Variants in FHIT observed in about 807,000 individuals in gnomAD.
FHIT encodes bis(5'-adenosyl)-triphosphatase.
A neutral mutation model predicts 17.9 loss-of-function variants in FHIT; 19 were observed. The observed-to-expected ratio is 1.06, with a 90% CI of 0.74 to 1.56. The LOEUF (loss-of-function observed/expected upper bound fraction) is 1.56. Among genes scored for constraint, FHIT ranks in the 40% most tolerant of loss-of-function variants. FHIT has a pLI of 0.00. For synonymous variants in FHIT, 81 were observed against 69.7 expected (o/e 1.16, Z -0.81); for missense variants, 248 against 189.2 (o/e 1.31, Z -1.82).
At chr3:60,445,493 A>G (rs997444728) in intron 5 of FHIT, among the ~76,000 whole-genome samples, 2 of 152,052 alleles carry the variant, frequency 1.3e-5, no homozygotes, top group African/African-American at 4.8e-5. Flanking sequence ...AAAAAAAAAG[A>G]AACAAAGTAA....
At chr3:60,361,638 TCAAA>T (rs1198654370) in intron 5 of FHIT, among the ~76,000 whole-genome samples, 3 of 152,070 alleles carry the variant, frequency 2.0e-5, no homozygotes, top group Admixed American at 6.5e-5. Flanking sequence ...GATTCAAGAA[TCAAA>T]CAAACAAAAG....
intron 5 of FHIT, among the ~76,000 whole-genome samples, chr3:60,025,085 T>C (rs1237395510): frequency 6.6e-6 from 1 of 152,092 alleles, no homozygotes; most frequent in Non-Finnish European, 1.5e-5. Flanking sequence ...ATTCCAAGGT[T>C]CTGGCTTGGG....
intron 3 of FHIT, among the ~76,000 whole-genome samples, chr3:60,925,267 C>T (rs1430964122): frequency 6.6e-6 from 1 of 152,210 alleles, no homozygotes; most frequent in East Asian, 1.9e-4. Context: ...TCAGATTCAA[C>T]AAAGTTGAAA....
intron 5 of FHIT, among the ~76,000 whole-genome samples, chr3:60,398,050 A>T (rs1305793692): frequency 6.6e-6 from 1 of 151,978 alleles, no homozygotes. Flanking sequence ...CTTTCTTTTC[A>T]CTTAATGAAT....
intron 2 of FHIT, among the ~76,000 whole-genome samples, chr3:61,147,104 G>A (rs1325093960): frequency 5.9e-5 from 9 of 151,904 alleles, no homozygotes; most frequent in Admixed American, 5.9e-4. Flanking sequence ...TCTTTTTGTT[G>A]TTGTTTTCTA....
chr3:60,963,984 A>C (rs1575763600), intron 3 of FHIT, among the ~76,000 whole-genome samples: 2 of 152,038 alleles, frequency 1.3e-5, no homozygotes, highest in Admixed American at 1.3e-4. Flanking sequence ...CCTGGATATC[A>C]TTGTTAACTT....
chr3:60,596,865 G>C (rs941083550), intron 4 of FHIT, among the ~76,000 whole-genome samples: 1 of 152,048 alleles, frequency 6.6e-6, no homozygotes, highest in Non-Finnish European at 1.5e-5. Context: ...ACCTAATAAT[G>C]TGAAGACAGA....
intron 3 of FHIT, among the ~76,000 whole-genome samples, chr3:61,033,091 G>A (rs557404730): frequency 6.6e-6 from 1 of 152,338 alleles, no homozygotes; most frequent in African/African-American, 2.4e-5. Flanking sequence ...TCGCCTTGAT[G>A]AGGGTGACTT....
At chr3:60,270,593 A>G (rs1706811958) in intron 5 of FHIT, among the ~76,000 whole-genome samples, 1 of 152,214 alleles carries the variant, frequency 6.6e-6, no homozygotes, top group African/African-American at 2.4e-5. Context: ...CTGGTTATGA[A>G]ATATTGTTCA....
intron 5 of FHIT, among the ~76,000 whole-genome samples, chr3:60,078,675 T>C (rs1703140819): frequency 6.6e-6 from 1 of 152,166 alleles, no homozygotes; most frequent in African/African-American, 2.4e-5. Context: ...TATGTTTTTC[T>C]AAGAAAATGT....
intron 5 of FHIT, among the ~76,000 whole-genome samples, chr3:60,362,011 T>C (rs1699924822): frequency 6.6e-6 from 1 of 152,118 alleles, no homozygotes; most frequent in African/African-American, 2.4e-5. Flanking sequence ...TCAACCAAAC[T>C]GTGCACACAT....
At chr3:59,855,689 GCA>G (rs1311566515) in intron 8 of FHIT, among the ~76,000 whole-genome samples, 11 of 151,408 alleles carry the variant, frequency 7.3e-5, no homozygotes, top group Non-Finnish European at 1.5e-5. Flanking sequence ...ATAAATATGA[GCA>G]CAAATTGATG....
chr3:60,972,358 C>T (rs1188323695), intron 3 of FHIT, among the ~76,000 whole-genome samples: 6 of 152,070 alleles, frequency 3.9e-5, no homozygotes, highest in Non-Finnish European at 8.8e-5. Flanking sequence ...TCTGAATTGG[C>T]AATTACTTTC....
chr3:60,536,819 G>C (rs1218285532), intron 5 of FHIT, 41 bp downstream of exon 5: 1 of 1,561,318 alleles, frequency 6.4e-7, no homozygotes, highest in South Asian at 1.2e-5. Context: ...AGGCTCAGAA[G>C]ACTTTTATTT....
intron 5 of FHIT, among the ~76,000 whole-genome samples, chr3:60,145,440 G>T (rs1700200345): frequency 2.0e-5 from 3 of 152,104 alleles, no homozygotes; most frequent in African/African-American, 4.8e-5. Context: ...CAAACCCAGT[G>T]TATGCTGGAT....
chr3:60,482,037 C>G (rs1483475058), intron 5 of FHIT, among the ~76,000 whole-genome samples: 2 of 151,842 alleles, frequency 1.3e-5, no homozygotes, highest in Non-Finnish European at 2.9e-5. Context: ...TAGTCTCTGA[C>G]AAAACAAACT....
At chr3:59,918,603 C>G (rs139239158) in intron 8 of FHIT, among the ~76,000 whole-genome samples, 2,031 of 152,208 alleles carry the variant, frequency 0.013, 14 homozygotes, top group Non-Finnish European at 0.02. Context: ...CCCAGTATAC[C>G]AGACAGAAGA....
intron 4 of FHIT, among the ~76,000 whole-genome samples, chr3:60,740,698 C>G (rs528673771): frequency 3.9e-4 from 60 of 152,270 alleles, no homozygotes; most frequent in Admixed American, 3.8e-3. Flanking sequence ...CTCCCTCCAC[C>G]AGGGTTGTTC....
At chr3:60,398,672 G>C (rs1701548380) in intron 5 of FHIT, among the ~76,000 whole-genome samples, 2 of 152,022 alleles carry the variant, frequency 1.3e-5, no homozygotes, top group Admixed American at 1.3e-4. Flanking sequence ...GTGATACTTA[G>C]TAAATTACAC....
Sources: gnomAD v4.1 joint callset for allele counts (sites outside exome capture counted in the v4.1 genomes callset) on GRCh38, gnomAD v4.1.1 for gene constraint, MANE v1.5 for transcripts, NCBI Gene and HGNC (gene_info 2026-07-23, HGNC 2026-07-21) for gene names.